SRGAP1: variants seen among roughly 807,000 people sequenced by gnomAD.
SRGAP1 encodes SLIT-ROBO Rho GTPase activating protein 1, also known as SLIT-ROBO Rho GTPase-activating protein 1.
In SRGAP1, 43 loss-of-function variants were observed where a neutral mutation model predicts 121.9. The observed-to-expected ratio is 0.35, with a 90% CI of 0.28 to 0.46. SRGAP1 has a LOEUF of 0.46. Ranked by LOEUF, SRGAP1 falls within the 20% of genes least tolerant of loss-of-function variation. SRGAP1 has a pLI of 1.00. For missense variants in SRGAP1, 1,102 were observed against 1,350.9 expected, an observed-to-expected ratio of 0.82 and a Z score of 2.89; for synonymous variants, 447 against 485.4, an observed-to-expected ratio of 0.92 and a Z score of 1.04.
intron 1 of SRGAP1, among the ~76,000 whole-genome samples, chr12:63,899,245 G>A (rs1429968439): frequency 6.6e-6 from 1 of 151,938 alleles, no homozygotes; most frequent in Non-Finnish European, 1.5e-5. Context: ...AGCTAGGTGT[G>A]GTGGCATACA....
intron 1 of SRGAP1, among the ~76,000 whole-genome samples, chr12:63,936,698 A>T (rs1472102340): frequency 1.3e-5 from 2 of 152,188 alleles, no homozygotes; most frequent in Non-Finnish European, 2.9e-5. Flanking sequence ...GGTTTGTAAG[A>T]TAACTAATTT....
In SRGAP1 at chr12:64,091,871, G is replaced by A. The variant is rs151325238; in HGVS notation, c.1539+493G>A. 600 of 1,534,048 alleles carry A rather than the reference G, an allele frequency of 3.9e-4. 1 individual carries two copies. In the African/African-American group the frequency reaches 7.6e-3, roughly 19 times the overall value. On this transcript the variant is annotated intron_variant, in intron 12 of 21. Coordinates refer to ENST00000355086, the MANE Select transcript of SRGAP1 (RefSeq NM_020762.4). Reference sequence around the variant, plus strand: ...TACTCTTCGTCTTCTTTTTCATCCTGTATTTCTGATAATGCTTCTAGCCGA... The same window carrying A: ...TACTCTTCGTCTTCTTTTTCATCCTATATTTCTGATAATGCTTCTAGCCGA...
At chr12:64,022,761 A>G (rs1035743553) in intron 4 of SRGAP1, among the ~76,000 whole-genome samples, 1 of 152,210 alleles carries the variant, frequency 6.6e-6, no homozygotes, top group Non-Finnish European at 1.5e-5. Context: ...TTGTTGAATG[A>G]ATGTTCTGAA....
In SRGAP1 at chr12:64,065,198, G is replaced by A. The variant is rs768086842; in HGVS notation, c.1104G>A (p.Thr368=). 14 of 1,612,834 alleles carry A rather than the reference G, an allele frequency of 8.7e-6. No homozygotes were observed. Among genetic ancestry groups the A allele is most frequent in the East Asian group, 4.5e-5 (2 of 44,712 alleles). The change falls in exon 8 of 22, where the codon ACG becomes ACA. Residue 368 remains threonine (T), a synonymous_variant. Coordinates refer to ENST00000355086, the MANE Select transcript of SRGAP1 (RefSeq NM_020762.4). ...AACAGTTGCAGTCCCGCCTTGCCAC[G>A]CTCAAAATCGAGAATGAAGAGGTGA... ...RYQQLQSRLA[T]LKIENEEVKK...
chr12:64,141,689 C>G (rs999088094), intron 21 of SRGAP1, among the ~76,000 whole-genome samples: 2 of 151,894 alleles, frequency 1.3e-5, no homozygotes, highest in African/African-American at 4.8e-5. Context: ...TGGTGGCCTA[C>G]ACCTATAATC....
intron 3 of SRGAP1, among the ~76,000 whole-genome samples, chr12:63,994,543 CA>C (rs1032020043): frequency 4.6e-5 from 7 of 152,158 alleles, no homozygotes; most frequent in Admixed American, 2.6e-4. Flanking sequence ...TCAAATCCCC[CA>C]CAGCCATTTC....
At chr12:64,104,554 C>T (rs2036309051) in intron 15 of SRGAP1, among the ~76,000 whole-genome samples, 1 of 152,192 alleles carries the variant, frequency 6.6e-6, no homozygotes, top group South Asian at 2.1e-4. Flanking sequence ...ATAAATTTTG[C>T]CCACTAACTG....
At chr12:64,022,918 A>C (rs542478476) in intron 4 of SRGAP1, among the ~76,000 whole-genome samples, 1 of 152,284 alleles carries the variant, frequency 6.6e-6, no homozygotes, top group South Asian at 2.1e-4. Context: ...AAATAAATGT[A>C]TAATATGGGA....
intron 1 of SRGAP1, among the ~76,000 whole-genome samples, chr12:63,870,533 A>ATTTTTTTTTTTTTTTTTTT (rs1216674448): frequency 9.9e-6 from 1 of 100,808 alleles, no homozygotes; most frequent in African/African-American, 3.9e-5. Context: ...CCCTATCTTG[A>ATTTTTTTTTTTTTTTTTTT]TTTTTTTTTT....
At chr12:63,906,214 TC>T (rs1271346281) in intron 1 of SRGAP1, among the ~76,000 whole-genome samples, 3 of 152,234 alleles carry the variant, frequency 2.0e-5, no homozygotes, top group Non-Finnish European at 4.4e-5. Context: ...AGTCAGTAGT[TC>T]ATTTCTTTTA....
intron 1 of SRGAP1, among the ~76,000 whole-genome samples, chr12:63,897,932 C>G (rs1378220953): frequency 6.6e-6 from 1 of 152,090 alleles, no homozygotes. Flanking sequence ...GACTCACTCA[C>G]CTGAAGCTGA....
intron 14 of SRGAP1, among the ~76,000 whole-genome samples, chr12:64,095,534 C>T (rs534428560): frequency 8.5e-5 from 13 of 152,200 alleles, no homozygotes; most frequent in African/African-American, 3.1e-4. Flanking sequence ...GTGAGGGAGG[C>T]AGCTCCTCCC....
intron 4 of SRGAP1, among the ~76,000 whole-genome samples, chr12:64,034,603 C>T (rs2034857530): frequency 6.6e-6 from 1 of 152,146 alleles, no homozygotes; most frequent in African/African-American, 2.4e-5. Context: ...CAATAGCTGA[C>T]ATTTACTGTG....
At chr12:64,132,529 G>A (rs918365738) in intron 21 of SRGAP1, among the ~76,000 whole-genome samples, 3 of 152,214 alleles carry the variant, frequency 2.0e-5, no homozygotes, top group African/African-American at 7.2e-5. Context: ...TTTCTTGTTT[G>A]CAGGAGGGGC....
Position 63,949,394 on chromosome 12 carries a change from T to C in SRGAP1, c.68-34553T>C, listed in dbSNP as rs2032207867. Among the ~76,000 whole-genome samples, 3 of 108,046 alleles carry C rather than the reference T, an allele frequency of 2.8e-5. No homozygotes were observed. In the South Asian group the frequency reaches 9.8e-4, roughly 35 times the overall value. The allele number at this position is 108,046 out of a possible 152,430, so 70.9% of individuals were successfully genotyped here. Reference sequence around the variant, plus strand: ...GGTGTCTTGGATCAGACATTTTTATTATTTATTATTATTATTATTATTATT... The same window carrying C: ...GGTGTCTTGGATCAGACATTTTTATCATTTATTATTATTATTATTATTATT... On this transcript the variant is annotated intron_variant, in intron 1 of 21. Transcript: ENST00000355086.
At position 64,111,903 on chromosome 12, in the gene SRGAP1, C is replaced by T; in HGVS notation, c.2061C>T (p.Ile687=). The change falls in exon 17 of 22, where the codon ATC becomes ATT. Residue 687 remains isoleucine (I), a synonymous_variant. Transcript: ENST00000355086. ...AHVNEIIKTI[I]IHHETIFPDA... is the part of the protein sequence containing the mutation. Reference sequence around the variant, plus strand: ...TGAATGAAATTATCAAAACCATCATCATCCACCATGAGACTATTTTCCCAG... The same window carrying T: ...TGAATGAAATTATCAAAACCATCATTATCCACCATGAGACTATTTTCCCAG... The T allele has an allele frequency of 6.2e-7, 1 of 1,614,076 alleles. No homozygotes were observed. Among genetic ancestry groups the T allele is most frequent in the Non-Finnish European group, 8.5e-7 (1 of 1,179,994 alleles).
chr12:64,132,253 C>T (rs2036796691), intron 21 of SRGAP1, among the ~76,000 whole-genome samples: 2 of 152,198 alleles, frequency 1.3e-5, no homozygotes, highest in Admixed American at 1.3e-4. Flanking sequence ...CTGTGATTCA[C>T]CTATGGGGGC....
chr12:64,016,640 T>C (rs560583808), intron 3 of SRGAP1, among the ~76,000 whole-genome samples: 1 of 152,354 alleles, frequency 6.6e-6, no homozygotes, highest in Admixed American at 6.5e-5. Context: ...TAATGGTCCT[T>C]AGTTCTGCAA....
chr12:64,054,366 C>T (rs1256965291), intron 6 of SRGAP1, among the ~76,000 whole-genome samples: 1 of 152,120 alleles, frequency 6.6e-6, no homozygotes, highest in Non-Finnish European at 1.5e-5. Flanking sequence ...CCTTTTTTAT[C>T]TTTTCTGAAT....
Sources: gnomAD v4.1 joint callset for allele counts (sites outside exome capture counted in the v4.1 genomes callset) on GRCh38, gnomAD v4.1.1 for gene constraint, MANE v1.5 for transcripts, NCBI Gene and HGNC (gene_info 2026-07-23, HGNC 2026-07-21) for gene names.